ANTXR2: variants seen among roughly 807,000 people sequenced by gnomAD.
The protein encoded by ANTXR2 is anthrax toxin receptor 2.
A neutral mutation model predicts 73.7 loss-of-function variants in ANTXR2; 44 were observed. The ratio of observed to expected loss-of-function variants is 0.60; its 90% CI spans 0.47 to 0.77. The LOEUF is 0.77. Among genes scored for constraint, ANTXR2 ranks in the 30% least tolerant of loss-of-function variants. ANTXR2 has a pLI of 0.00. For synonymous variants in ANTXR2, 217 were observed against 205.9 expected (o/e 1.05, Z -0.46); for missense variants, 604 against 592.5 (o/e 1.02, Z -0.20).
chr4:80,019,720 G>A (rs78922443), intron 10 of ANTXR2, among the ~76,000 whole-genome samples: 25 of 152,188 alleles, frequency 1.6e-4, no homozygotes, highest in Admixed American at 1.5e-3. Flanking sequence ...GAAAAGAAAG[G>A]GAGAAAGATT....
chr4:80,036,620 G>A (rs546762646), intron 7 of ANTXR2, among the ~76,000 whole-genome samples: 98 of 152,012 alleles, frequency 6.4e-4, no homozygotes, highest in African/African-American at 2.3e-3. Context: ...GGCCAACATA[G>A]TGAATCCTGT....
chr4:79,954,327 C>T (rs1728813639), intron 16 of ANTXR2, among the ~76,000 whole-genome samples: 1 of 152,114 alleles, frequency 6.6e-6, no homozygotes, highest in Non-Finnish European at 1.5e-5. Flanking sequence ...ACTTACTTGA[C>T]ATTTTAAAGT....
intron 16 of ANTXR2, among the ~76,000 whole-genome samples, chr4:79,973,182 G>T (rs1265402779): frequency 6.6e-6 from 1 of 152,160 alleles, no homozygotes; most frequent in African/African-American, 2.4e-5. Flanking sequence ...AAATAGTATG[G>T]TTTCCTAATA....
At chr4:80,056,581 C>T (rs1488936289) in intron 3 of ANTXR2, among the ~76,000 whole-genome samples, 3 of 151,904 alleles carry the variant, frequency 2.0e-5, no homozygotes, top group South Asian at 2.1e-4. Flanking sequence ...TGCACATTCC[C>T]TTGAACATAG....
chr4:80,064,912 G>A (rs964619557), intron 3 of ANTXR2, among the ~76,000 whole-genome samples: 17 of 152,348 alleles, frequency 1.1e-4, no homozygotes, highest in African/African-American at 3.6e-4. Context: ...TTTTAAGCAT[G>A]AGAGTGGAAT....
chr4:80,015,858 AAGG>A (rs1217300763), intron 11 of ANTXR2, among the ~76,000 whole-genome samples: 2 of 13,562 alleles, frequency 1.5e-4, no homozygotes, highest in African/African-American at 4.5e-4. Context: ...GAGGACAGGA[AAGG>A]AAAGGAAAGG....
Position 80,069,442 on chromosome 4 carries a change from C to T in ANTXR2, c.290G>A (p.Gly97Glu). 6.3e-7 allele frequency: 1 copy of T among 1,593,278 alleles called. No individual in the cohort carries two copies. The highest frequency in any genetic ancestry group is 8.6e-7 in the Non-Finnish European group (1 of 1,164,678). Residue 97 changes from glycine (G) to glutamate (E), a missense_variant, in exon 3 of 17, where the codon GGA becomes GAA. By Grantham distance (98) the Gly-to-Glu change is moderately conservative (BLOSUM62 -2). Coordinates refer to ENST00000403729, the MANE Select transcript of ANTXR2 (RefSeq NM_058172.6). ...SQATIILPLT[G>E]DRGKISKGLE... is the part of the protein sequence containing the mutation. The stretch of plus-strand genomic sequence containing the variant: ...GAAATGATAATGCACTAACCTGTCT[C>T]CAGTTAATGGCAAAATAATAGTTGC...
chr4:79,907,148 T>G lies in ANTXR2; in HGVS notation c.*281A>C. 1 of 477,488 alleles carries G rather than the reference T, an allele frequency of 2.1e-6. No homozygotes were observed. The highest frequency in any genetic ancestry group is 3.7e-6 in the Non-Finnish European group (1 of 272,482). The allele number at this position is 477,488 out of a possible 1,614,324, so 29.6% of individuals were successfully genotyped here. Reference sequence around the variant, plus strand: ...CTACACATTCAAACAAACTTTCTTGTACAAACCATAGTCTGCAGGTCAATG... The same window carrying G: ...CTACACATTCAAACAAACTTTCTTGGACAAACCATAGTCTGCAGGTCAATG... On this transcript the variant is annotated 3_prime_UTR_variant, in exon 17 of 17. Transcript: ENST00000403729.
intron 16 of ANTXR2, among the ~76,000 whole-genome samples, chr4:79,958,013 T>C (rs1054702316): frequency 2.6e-5 from 4 of 152,238 alleles, no homozygotes; most frequent in Non-Finnish European, 4.4e-5. Flanking sequence ...CATTTTCCTA[T>C]TGCCTGCAAA....
At chr4:79,910,115 TA>T (rs991273910) in intron 16 of ANTXR2, among the ~76,000 whole-genome samples, 6 of 152,118 alleles carry the variant, frequency 3.9e-5, no homozygotes. Flanking sequence ...AAATGAAGAC[TA>T]AAAAATGGGC....
intron 12 of ANTXR2, among the ~76,000 whole-genome samples, chr4:80,007,814 C>G (rs560309737): frequency 6.6e-6 from 1 of 152,270 alleles, no homozygotes; most frequent in East Asian, 1.9e-4. Context: ...AAACACATCC[C>G]TTCCAACACA....
At chr4:80,054,644 T>C (rs570508485) in intron 6 of ANTXR2, among the ~76,000 whole-genome samples, 68 of 151,808 alleles carry the variant, frequency 4.5e-4, no homozygotes, top group African/African-American at 1.6e-3. Context: ...CTCAGGAGTC[T>C]AAGCCATGCT....
At chr4:79,956,363 A>G (rs1728884884) in intron 16 of ANTXR2, among the ~76,000 whole-genome samples, 1 of 152,120 alleles carries the variant, frequency 6.6e-6, no homozygotes, top group African/African-American at 2.4e-5. Context: ...GCCCTAAGTC[A>G]GTCAGTTATT....
intron 12 of ANTXR2, among the ~76,000 whole-genome samples, chr4:79,987,310 A>G (rs1049360444): frequency 6.6e-6 from 1 of 152,134 alleles, no homozygotes; most frequent in African/African-American, 2.4e-5. Flanking sequence ...CGGAAATTAA[A>G]AATTTGCTAT....
intron 7 of ANTXR2, among the ~76,000 whole-genome samples, chr4:80,048,697 G>C (rs1015552441): frequency 2.0e-5 from 3 of 151,658 alleles, no homozygotes; most frequent in Non-Finnish European, 4.4e-5. Flanking sequence ...AAGAGAAAAT[G>C]TGTTTGCAAT....
At chr4:79,977,933 G>A in intron 15 of ANTXR2, 74 bp downstream of exon 15, 3 of 1,465,788 alleles carry the variant, frequency 2.0e-6, no homozygotes, top group Non-Finnish European at 2.8e-6. Flanking sequence ...AAGTAGCTGG[G>A]GGGATGTGGT....
In ANTXR2 at chr4:80,018,887, C is replaced by A; in HGVS notation, c.945+11G>T. 1.3e-6 allele frequency: 2 copies of A among 1,505,810 alleles called. No homozygotes were observed. Among genetic ancestry groups the A allele is most frequent in the African/African-American group, 1.4e-5 (1 of 70,412 alleles). 93.3% of individuals were successfully genotyped at this position (1,505,810 alleles called of 1,614,324 possible). A position where few individuals can be genotyped will look rare whatever the true frequency, so the allele number is the denominator to read the frequency against. On this transcript the variant is annotated intron_variant, in intron 11 of 16. Transcript: ENST00000403729. ...TTTTAAAAGATAATCTTTGTGCAAA[C>A]TTTTACTTACACATTCTGTGGCTGT...
At chr4:79,907,689 A>C (rs1474389154) in intron 16 of ANTXR2, among the ~76,000 whole-genome samples, 1 of 152,194 alleles carries the variant, frequency 6.6e-6, no homozygotes, top group Non-Finnish European at 1.5e-5. Flanking sequence ...GGTATAATTA[A>C]TATGGAAAAA....
chr4:80,045,462 T>C (rs1016789454), intron 7 of ANTXR2, among the ~76,000 whole-genome samples: 2 of 151,730 alleles, frequency 1.3e-5, no homozygotes, highest in African/African-American at 2.4e-5. Flanking sequence ...CAACCGATCA[T>C]CACAAATAAT....
Sources: allele counts gnomAD v4.1 joint callset (sites outside exome capture counted in the v4.1 genomes callset), GRCh38; gene constraint gnomAD v4.1.1; transcripts MANE v1.5; gene names NCBI Gene and HGNC (gene_info 2026-07-23, HGNC 2026-07-21).